The following CD74 variants were observed in gnomAD, a reference collection of about 807,000 sequenced individuals.
CD74 encodes the protein CD74 molecule.
CD74 carries 20 observed loss-of-function variants against 37.1 expected under a neutral mutation model. That is an observed-to-expected ratio of 0.54 (90% CI 0.38 to 0.78). CD74 has a LOEUF of 0.78. CD74 is among the 30% of genes least tolerant of loss of function. The pLI is 0.00. For synonymous variants in CD74, 150 were observed against 152.0 expected (o/e 0.99, Z 0.10); for missense variants, 338 against 389.5 (o/e 0.87, Z 1.11).
Position 150,412,903 on chromosome 5 carries a change from G to A in CD74, c.-154C>T, listed in dbSNP as rs1388035173. On this transcript the variant is annotated 5_prime_UTR_variant, in exon 1 of 9. Coordinates refer to ENST00000009530, the MANE Select transcript of CD74 (RefSeq NM_001025159.3). ...ACTTTGGTGAAGCTGCCTTTTGCGG[G>A]GCAGGATGTGGGGCGGGGGGGCTCC... 6.6e-7 allele frequency: 1 copy of A among 1,507,112 alleles called. No individual in the cohort carries two copies. Among genetic ancestry groups the A allele is most frequent in the Non-Finnish European group, 8.8e-7 (1 of 1,131,256 alleles). The allele number at this position is 1,507,112 out of a possible 1,614,324, so 93.4% of individuals were successfully genotyped here.
At chr5:150,404,583 T>C in intron 6 of CD74, 97 bp downstream of exon 6, 1 of 685,500 alleles carries the variant, frequency 1.5e-6, no homozygotes. Flanking sequence ...TCCGCGGTGC[T>C]GGGACCAGGG....
chr5:150,405,028 G>T, intron 5 of CD74, 57 bp downstream of exon 5: 173 of 1,259,188 alleles, frequency 1.4e-4, no homozygotes, highest in Non-Finnish European at 1.8e-4. Flanking sequence ...ACCTCTCCTA[G>T]CCCTGCCCTA....
rs1190324089 is a variant in CD74, at chr5:150,401,733, G to C, written c.*507C>G. ...GAGGGAACTAGGGGTCGGCAGAAAG[G>C]ATTATGGGTGGAAAACATTGGCTCT... On this transcript the variant is annotated 3_prime_UTR_variant, in exon 9 of 9. Coordinates refer to ENST00000009530, the MANE Select transcript of CD74 (RefSeq NM_001025159.3). 1.2e-5 allele frequency: 7 copies of C among 592,860 alleles called. No homozygotes were observed. In the African/African-American group the frequency reaches 1.3e-4, roughly 11 times the overall value. The allele number at this position is 592,860 out of a possible 1,614,324, so 36.7% of individuals were successfully genotyped here. A position where few individuals can be genotyped will look rare whatever the true frequency, so the allele number is the denominator to read the frequency against.
Position 150,401,788 on chromosome 5 carries a change from A to G in CD74, c.*452T>C. On this transcript the variant is annotated 3_prime_UTR_variant, in exon 9 of 9. Coordinates refer to ENST00000009530, the MANE Select transcript of CD74 (RefSeq NM_001025159.3). ...TGGGGAGTGATGCTGGGGAAAGGGA[A>G]GAGAGTGGCTCAGCCTGCAGGTAAA... The G allele has an allele frequency of 1.6e-6, 1 of 610,150 alleles. No individual in the cohort carries two copies. The highest frequency in any genetic ancestry group is 2.9e-6 in the Non-Finnish European group (1 of 341,396). 37.8% of individuals were successfully genotyped at this position (610,150 alleles called of 1,614,324 possible).
chr5:150,402,253 G>T lies in CD74; in HGVS notation c.881-3C>A. The T allele has an allele frequency of 6.3e-7, 1 of 1,593,028 alleles. No individual in the cohort carries two copies. Among genetic ancestry groups the T allele is most frequent in the Non-Finnish European group, 8.6e-7 (1 of 1,166,464 alleles). On this transcript the variant is annotated splice_region_variant and splice_polypyrimidine_tract_variant and intron_variant, in intron 8 of 8. Coordinates refer to ENST00000009530, the MANE Select transcript of CD74 (RefSeq NM_001025159.3). This position sits in a 1 kb window ranked among gnomAD's most constrained non-coding sequence, Gnocchi z 4.2. Reference sequence around the variant, plus strand: ...CCTCTGCTGCTCTCACATGGGGACTGGAGAGAGAAGCAGCAGGTTGAGGTT... The same window carrying T: ...CCTCTGCTGCTCTCACATGGGGACTTGAGAGAGAAGCAGCAGGTTGAGGTT...
rs1770002134 is a variant in CD74 at position 150,406,945 on chromosome 5, C to T, written c.314G>A (p.Ser105Asn). 7 of 1,563,168 alleles carry T rather than the reference C, an allele frequency of 4.5e-6. No homozygotes were observed. The East Asian group carries it at 6.8e-5, about 15-fold the overall frequency. ...CAGCGGGGTGGCCATGCGCATCTTG[C>T]TCACAGGCTTGGGAGCTGTGGGGAC... ...MKLPKPPKPV[S>N]KMRMATPLLM... The change falls in exon 3 of 9, where the codon AGC (serine) becomes AAC (asparagine). Residue 105 changes from serine to asparagine, a missense_variant. Physicochemically the swap from Ser to Asn is conservative, Grantham distance 46 (BLOSUM62 1). Coordinates refer to ENST00000009530, the MANE Select transcript of CD74 (RefSeq NM_001025159.3).
rs371189971 is a variant in CD74, at chr5:150,402,568, C to T, written c.875G>A (p.Gly292Asp). ...SGLGVTKQDL[G>D]PVPM ...CCCCTCTGCAAGGCCCTTACCTGGGCCCAGATCCTGCTTGGTCACACCCAG... is the reference window on the plus strand; with the variant it reads ...CCCCTCTGCAAGGCCCTTACCTGGGTCCAGATCCTGCTTGGTCACACCCAG... Residue 292 changes from glycine to aspartate, a missense_variant, in exon 8 of 9, where the codon GGC (glycine) becomes GAC (aspartate). Physicochemically the swap from Gly to Asp is moderately conservative, Grantham distance 94 (BLOSUM62 -1). Coordinates refer to ENST00000009530, the MANE Select transcript of CD74 (RefSeq NM_001025159.3). This position sits in a 1 kb window ranked among gnomAD's most constrained non-coding sequence, Gnocchi z 4.2. 148 of 1,613,818 alleles carry T rather than the reference C, an allele frequency of 9.2e-5. No individual in the cohort carries two copies. The highest frequency in any genetic ancestry group is 1.1e-4 in the Non-Finnish European group (132 of 1,179,808).
Position 150,403,049 on chromosome 5 carries a change from A to T in CD74, c.817+72T>A. The T allele has an allele frequency of 1.5e-6, 2 of 1,353,772 alleles. No individual in the cohort carries two copies. The allele number at this position is 1,353,772 out of a possible 1,614,324, so 83.9% of individuals were successfully genotyped here. ...GGTGTCCTGGTCCCATGTGCTTCAG[A>T]GGGGACCTCTTGCCCCTCAACCTTC... On this transcript the variant is annotated intron_variant, in intron 7 of 8. Coordinates refer to ENST00000009530, the MANE Select transcript of CD74 (RefSeq NM_001025159.3). The surrounding 1 kb of genome is among the most constrained non-coding windows in gnomAD (Gnocchi z 4.5).
At chr5:150,409,135 AT>A (rs1357209658) in intron 1 of CD74, among the ~76,000 whole-genome samples, 3 of 152,074 alleles carry the variant, frequency 2.0e-5, no homozygotes, top group African/African-American at 7.2e-5. Context: ...AGGTGGGAGA[AT>A]CACTTGAACC....
rs72805941 is a variant in CD74 at position 150,405,095 on chromosome 5, A to G, written c.527T>C (p.Ile176Thr). The G allele has an allele frequency of 5.8e-4, 932 of 1,612,448 alleles. 2 individuals are homozygous for G. Among genetic ancestry groups the G allele is most frequent in the East Asian group, 1.3e-3 (59 of 44,870 alleles). Residue 176 changes from isoleucine to threonine, a missense_variant, in exon 5 of 9, where the codon ATA (isoleucine) becomes ACA (threonine). Ile to Thr is a moderately conservative substitution (Grantham distance 89, BLOSUM62 -1). Coordinates refer to ENST00000009530, the MANE Select transcript of CD74 (RefSeq NM_001025159.3). ...LRHLKNTMET[I>T]DWKVFESWMH... is the part of the protein sequence containing the mutation. Reference sequence around the variant, plus strand: ...GGGAAACCTGCTGACCTTCCAGTCTATGGTCTCCATGGTGTTCTTAAGGTG... The same window carrying G: ...GGGAAACCTGCTGACCTTCCAGTCTGTGGTCTCCATGGTGTTCTTAAGGTG...
chr5:150,411,662 G>A (rs1770349072), intron 1 of CD74, among the ~76,000 whole-genome samples: 1 of 152,172 alleles, frequency 6.6e-6, no homozygotes, highest in Non-Finnish European at 1.5e-5. Flanking sequence ...TGGCTGTGCT[G>A]GCCTCTGGCT....
chr5:150,405,991 G>A (rs768487036), intron 4 of CD74: 7 of 323,146 alleles, frequency 2.2e-5, no homozygotes, highest in Non-Finnish European at 3.6e-5. Flanking sequence ...GGCTGGTCTC[G>A]AACTCCTGGC....
chr5:150,407,565 G>A lies in CD74; in HGVS notation c.126-241C>T, dbSNP rs1198193063. 6.6e-6 allele frequency among the ~76,000 whole-genome samples: 1 copy of A among 152,138 alleles called. No individual in the cohort carries two copies. Among genetic ancestry groups the A allele is most frequent in the Admixed American group, 6.5e-5 (1 of 15,276 alleles). The stretch of plus-strand genomic sequence containing the variant: ...AGTCTTCCCTGGCAGAGACCCTGCA[G>A]CTGCCACGGGCCTGAGTTGAACAGA... On this transcript the variant is annotated intron_variant, in intron 1 of 8. Transcript: ENST00000009530. This position sits in a 1 kb window ranked among gnomAD's most constrained non-coding sequence, Gnocchi z 4.4.
intron 3 of CD74, 185 bp downstream of exon 3, chr5:150,406,696 A>C: frequency 1.7e-6 from 1 of 591,206 alleles, no homozygotes; most frequent in East Asian, 2.8e-5. Flanking sequence ...GATGGCACCA[A>C]GAGACTCTTC....
chr5:150,402,587 C>T lies in CD74; in HGVS notation c.856G>A (p.Val286Met). ...ELEDPSSGLGVTKQDLGPVPM is the reference protein window; with the variant it reads ...ELEDPSSGLGMTKQDLGPVPM Reference sequence around the variant, plus strand: ...CCTGGGCCCAGATCCTGCTTGGTCACACCCAGCCCAGAAGACGGGTCCTCC... The same window carrying T: ...CCTGGGCCCAGATCCTGCTTGGTCATACCCAGCCCAGAAGACGGGTCCTCC... The change falls in exon 8 of 9, where the codon GTG (valine) becomes ATG (methionine). Residue 286 changes from valine to methionine, a missense_variant. By Grantham distance (21) the Val-to-Met change is conservative. Transcript: ENST00000009530. The surrounding 1 kb of genome is among the most constrained non-coding windows in gnomAD (Gnocchi z 4.2). 1 of 1,613,824 alleles carries T rather than the reference C, an allele frequency of 6.2e-7. No homozygotes were observed. Among genetic ancestry groups the T allele is most frequent in the South Asian group, 1.1e-5 (1 of 91,038 alleles).
Position 150,412,609 on chromosome 5 carries a change from T to G in CD74, c.125+16A>C, listed in dbSNP as rs1770411835. The G allele has an allele frequency of 2.5e-6, 4 of 1,589,740 alleles. No individual in the cohort carries two copies. In the East Asian group the frequency reaches 6.7e-5, roughly 27 times the overall value. ...AGTCCAGGATCGGTGTGCCCTTTCC[T>G]GGTGCTCACACATACCTCTCCGGGG... On this transcript the variant is annotated intron_variant, in intron 1 of 8. Transcript: ENST00000009530.
chr5:150,409,159 G>T (rs1004962661), intron 1 of CD74, among the ~76,000 whole-genome samples: 2 of 151,892 alleles, frequency 1.3e-5, no homozygotes, highest in African/African-American at 4.8e-5. Context: ...GGAGGCGGAG[G>T]TTGCAGTGAG....
chr5:150,410,100 C>T (rs1384282008), intron 1 of CD74, among the ~76,000 whole-genome samples: 1 of 151,978 alleles, frequency 6.6e-6, no homozygotes, highest in Non-Finnish European at 1.5e-5. Context: ...GGAGACCAGA[C>T]AGGAAGGGAA....
chr5:150,411,037 G>A (rs1210021911), intron 1 of CD74, among the ~76,000 whole-genome samples: 2 of 152,120 alleles, frequency 1.3e-5, no homozygotes, highest in Admixed American at 6.5e-5. Flanking sequence ...TTCAAATTCT[G>A]CCTCCAACCA....
Sources: allele counts gnomAD v4.1 joint callset (sites outside exome capture counted in the v4.1 genomes callset), GRCh38; gene constraint gnomAD v4.1.1; non-coding constraint Gnocchi (gnomAD v3.1); transcripts MANE v1.5; gene names NCBI Gene and HGNC (gene_info 2026-07-23, HGNC 2026-07-21).